The following MGAT4A variants were observed in gnomAD, a reference collection of about 807,000 sequenced individuals.
MGAT4A encodes the protein alpha-1,3-mannosyl-glycoprotein 4-beta-N-acetylglucosaminyltransferase A.
A neutral mutation model predicts 74.1 loss-of-function variants in MGAT4A; 33 were observed. The ratio of observed to expected loss-of-function variants is 0.45; its 90% CI spans 0.34 to 0.60. MGAT4A has a LOEUF of 0.60. Among genes scored for constraint, MGAT4A ranks in the 20% least tolerant of loss-of-function variants. MGAT4A has a pLI of 0.02. For synonymous variants in MGAT4A, 198 were observed against 210.4 expected (o/e 0.94, Z 0.51); for missense variants, 479 against 628.3 (o/e 0.76, Z 2.54).
At chr2:98,669,687 A>G (rs1392590810) in intron 4 of MGAT4A, among the ~76,000 whole-genome samples, 11 of 152,212 alleles carry the variant, frequency 7.2e-5, no homozygotes, top group Non-Finnish European at 1.5e-5. Context: ...GACCATGCTT[A>G]TGGTAATTTG....
At chr2:98,672,377 T>C (rs2104283293) in intron 4 of MGAT4A, among the ~76,000 whole-genome samples, 1 of 152,340 alleles carries the variant, frequency 6.6e-6, no homozygotes. Flanking sequence ...TACCAAAGTA[T>C]CTGGCAAGGT....
chr2:98,723,773 T>C (rs1254322983), intron 2 of MGAT4A, among the ~76,000 whole-genome samples: 2 of 152,236 alleles, frequency 1.3e-5, no homozygotes, highest in East Asian at 3.8e-4. Context: ...ATCCTTCATA[T>C]TCTACCTCCT....
chr2:98,674,647 T>G (rs1005478535), intron 4 of MGAT4A, among the ~76,000 whole-genome samples: 3 of 152,228 alleles, frequency 2.0e-5, no homozygotes, highest in African/African-American at 4.8e-5. Flanking sequence ...ACTATCTACT[T>G]ACACCTCTGT....
At chr2:98,728,873 C>T (rs1433499496) in intron 1 of MGAT4A, among the ~76,000 whole-genome samples, 1 of 151,990 alleles carries the variant, frequency 6.6e-6, no homozygotes, top group Admixed American at 6.6e-5. Flanking sequence ...ACATTAATCC[C>T]GGTGTGGCAT....
At chr2:98,677,736 A>G (rs1483418435) in intron 3 of MGAT4A, among the ~76,000 whole-genome samples, 3 of 151,556 alleles carry the variant, frequency 2.0e-5, no homozygotes, top group Non-Finnish European at 4.4e-5. Context: ...TATAGGTGTG[A>G]GCCAACACAC....
intron 8 of MGAT4A, among the ~76,000 whole-genome samples, chr2:98,646,102 A>C (rs562225785): frequency 2.7e-4 from 41 of 152,298 alleles, no homozygotes; most frequent in South Asian, 1.4e-3. Context: ...AAATACACGT[A>C]AAAATTTGAA....
At chr2:98,716,261 C>T (rs896710590) in intron 2 of MGAT4A, among the ~76,000 whole-genome samples, 2 of 152,160 alleles carry the variant, frequency 1.3e-5, no homozygotes, top group African/African-American at 4.8e-5. Context: ...GAAGTCAAGG[C>T]TGCAGTGAAC....
intron 5 of MGAT4A, among the ~76,000 whole-genome samples, chr2:98,659,722 T>C (rs1020007990): frequency 1.3e-5 from 2 of 152,216 alleles, no homozygotes; most frequent in Non-Finnish European, 2.9e-5. Context: ...AAGACATGCC[T>C]TTCGCCTTCT....
At chr2:98,698,526 G>A (rs766984685) in intron 2 of MGAT4A, among the ~76,000 whole-genome samples, 4 of 152,052 alleles carry the variant, frequency 2.6e-5, no homozygotes, top group South Asian at 2.1e-4. Flanking sequence ...CAGTATCAAC[G>A]CTCCTTTTAT....
intron 2 of MGAT4A, chr2:98,694,017 C>A: frequency 6.5e-6 from 1 of 153,302 alleles, no homozygotes; most frequent in South Asian, 1.8e-4. Flanking sequence ...TGTAAATGGT[C>A]TAGAGCTCTT....
At chr2:98,701,808 ACT>A (rs1702359617) in intron 2 of MGAT4A, among the ~76,000 whole-genome samples, 2 of 151,898 alleles carry the variant, frequency 1.3e-5, no homozygotes, top group Admixed American at 6.6e-5. Flanking sequence ...AACATTCAAG[ACT>A]CTTCTTTTTA....
At chr2:98,632,371 G>C (rs1487188690) in intron 14 of MGAT4A, among the ~76,000 whole-genome samples, 1 of 152,160 alleles carries the variant, frequency 6.6e-6, no homozygotes, top group Non-Finnish European at 1.5e-5. Context: ...GCCCTGAAAG[G>C]TGGGTAAGGG....
At chr2:98,668,844 A>G (rs1701873678) in intron 4 of MGAT4A, among the ~76,000 whole-genome samples, 1 of 152,244 alleles carries the variant, frequency 6.6e-6, no homozygotes, top group African/African-American at 2.4e-5. Context: ...AAAAGAAATC[A>G]TTTTGGAACT....
intron 8 of MGAT4A, among the ~76,000 whole-genome samples, chr2:98,650,910 T>A (rs994998994): frequency 1.3e-5 from 2 of 151,988 alleles, no homozygotes; most frequent in African/African-American, 4.8e-5. Flanking sequence ...ATCGCGCCAC[T>A]GCACTTCAGC....
intron 8 of MGAT4A, among the ~76,000 whole-genome samples, chr2:98,648,625 G>A (rs1701530818): frequency 6.6e-6 from 1 of 151,956 alleles, no homozygotes; most frequent in Non-Finnish European, 1.5e-5. Flanking sequence ...AGGCTGAGGT[G>A]GGAGGATCAT....
intron 4 of MGAT4A, among the ~76,000 whole-genome samples, chr2:98,667,839 C>T (rs1315799790): frequency 2.6e-5 from 4 of 152,070 alleles, no homozygotes; most frequent in Non-Finnish European, 1.5e-5. Context: ...CCTGCCTCAG[C>T]CTCCCGAGTA....
intron 2 of MGAT4A, among the ~76,000 whole-genome samples, chr2:98,709,229 C>T (rs961188942): frequency 2.0e-5 from 3 of 152,110 alleles, no homozygotes; most frequent in Non-Finnish European, 4.4e-5. Flanking sequence ...CTTCACTGCT[C>T]CCAAACACCA....
chr2:98,715,585 G>C (rs553809342), intron 2 of MGAT4A, among the ~76,000 whole-genome samples: 10 of 152,274 alleles, frequency 6.6e-5, no homozygotes, highest in African/African-American at 2.4e-4. Flanking sequence ...ATAAGTGGCA[G>C]CTAAATGAGA....
At chr2:98,682,711 T>TTAC (rs74278363) in intron 2 of MGAT4A, among the ~76,000 whole-genome samples, 1 of 152,032 alleles carries the variant, frequency 6.6e-6, no homozygotes, top group Non-Finnish European at 1.5e-5. Context: ...ACACCCCTCA[T>TTAC]GTGGGATTCC....
Sources: allele counts gnomAD v4.1 joint callset (sites outside exome capture counted in the v4.1 genomes callset), GRCh38; gene constraint gnomAD v4.1.1; transcripts MANE v1.5; gene names NCBI Gene and HGNC (gene_info 2026-07-23, HGNC 2026-07-21).